SP140: variants seen among roughly 807,000 people sequenced by gnomAD.
SP140 encodes the protein nuclear body protein SP140.
SP140 carries 81 observed loss-of-function variants against 125.0 expected under a neutral mutation model. The ratio of observed to expected loss-of-function variants is 0.65; its 90% confidence interval spans 0.54 to 0.78. The LOEUF is 0.78. Among genes scored for constraint, SP140 ranks in the 30% least tolerant of loss-of-function variants. The pLI is 0.00. For synonymous variants in SP140, 312 were observed against 354.0 expected (o/e 0.88, Z 1.33); for missense variants, 858 against 1,037.0 (o/e 0.83, Z 2.37).
chr2:230,245,964 T>G (rs2049384771), intron 7 of SP140, 24 bp downstream of exon 7: 1 of 1,432,634 alleles, frequency 7.0e-7, no homozygotes, highest in Non-Finnish European at 9.8e-7. Context: ...AAATTAAAGC[T>G]TTATTTTTCT....
rs557486432 is a variant in SP140, at chr2:230,230,230, T to C, written c.59+4327T>C. On this transcript the variant is annotated intron_variant, in intron 1 of 26. Coordinates refer to ENST00000392045, the MANE Select transcript of SP140 (RefSeq NM_007237.5). ...AACAGGGAAGTGCTGATTGCTTAGG[T>C]TGGGAATGAAATCACAGGGGGTTGA... 4.7e-4 allele frequency among the ~76,000 whole-genome samples: 71 copies of C among 152,200 alleles called. 1 individual carries two copies. The highest frequency in any genetic ancestry group is 6.5e-4 in the Non-Finnish European group (44 of 68,034).
At chr2:230,249,738 G>A (rs2114588) in intron 9 of SP140, among the ~76,000 whole-genome samples, 44,775 of 152,038 alleles carry the variant, frequency 0.29, 6,728 homozygotes, top group Middle Eastern at 0.34. Flanking sequence ...AAGAACCCAT[G>A]AAGAGTGAAA....
At chr2:230,278,863 G>C (rs2055106959) in intron 15 of SP140, among the ~76,000 whole-genome samples, 1 of 151,974 alleles carries the variant, frequency 6.6e-6, no homozygotes, top group Non-Finnish European at 1.5e-5. Context: ...AAGTAAGAAA[G>C]AAAGAAAAGG....
At position 230,237,228 on chromosome 2, in the gene SP140, G is replaced by A; in HGVS notation, c.205G>A (p.Asp69Asn). The A allele has an allele frequency of 6.2e-7, 1 of 1,612,254 alleles. No homozygotes were observed. Among genetic ancestry groups the A allele is most frequent in the East Asian group, 2.2e-5 (1 of 44,858 alleles). The part of the protein sequence containing the change: ...RPFPFLMGLR[D>N]RSFISEQMYE... ...ATTTCCTTTCCTTATGGGCCTCCGA[G>A]ACCGCTCCTTCATCTCCGAGCAGAT... is the stretch of plus-strand genomic sequence containing the variant. Residue 69 changes from aspartate to asparagine, a missense_variant, in exon 2 of 27, where the codon GAC becomes AAC. By Grantham distance (23) the Asp-to-Asn change is conservative (BLOSUM62 1). Transcript: ENST00000392045. This position sits in a 1 kb window ranked among gnomAD's most constrained non-coding sequence, Gnocchi z 5.4.
intron 23 of SP140, chr2:230,310,509 A>G: frequency 1.1e-6 from 1 of 906,086 alleles, no homozygotes; most frequent in Non-Finnish European, 1.7e-6. Context: ...AGGAGAGTCC[A>G]CACTCACGGT....
At chr2:230,232,701 T>G (rs564438145) in intron 1 of SP140, among the ~76,000 whole-genome samples, 22 of 152,358 alleles carry the variant, frequency 1.4e-4, no homozygotes, top group African/African-American at 5.0e-4. Flanking sequence ...CAGGGCCAAA[T>G]ACCTGGTATG....
intron 3 of SP140, among the ~76,000 whole-genome samples, chr2:230,218,121 C>T (rs1227433108): frequency 6.6e-6 from 1 of 152,178 alleles, no homozygotes; most frequent in Non-Finnish European, 1.5e-5. Context: ...ACATTCTTGA[C>T]AAATTGTCAA....
At chr2:230,221,739 C>CA, upstream of SP140, 1 of 1,535,922 alleles carries the variant, frequency 6.5e-7, no homozygotes. Context: ...AAAGCCCCTT[C>CA]ATGGGCATCT....
intron 22 of SP140, among the ~76,000 whole-genome samples, chr2:230,309,152 T>G (rs1036580939): frequency 4.6e-5 from 7 of 152,226 alleles, no homozygotes; most frequent in African/African-American, 1.4e-4. Flanking sequence ...GATTTACCAT[T>G]CCTTTTATAG....
rs1390071181 is a variant in SP140, at chr2:230,238,108, A to G, written c.238-105A>G. On this transcript the variant is annotated intron_variant, in intron 2 of 26. Transcript: ENST00000392045. ...TTAAGAAGTCATCCAAATATACGCA[A>G]AATTCTAACATTTCACAAGAGAACA... 3.4e-5 allele frequency: 27 copies of G among 798,234 alleles called. No homozygotes were observed. In the East Asian group the frequency reaches 6.9e-4, roughly 20 times the overall value. 49.4% of individuals were successfully genotyped at this position (798,234 alleles called of 1,614,324 possible).
intron 18 of SP140, among the ~76,000 whole-genome samples, chr2:230,288,284 C>T (rs1244015780): frequency 6.6e-6 from 1 of 152,154 alleles, no homozygotes; most frequent in Non-Finnish European, 1.5e-5. Flanking sequence ...AACTGACCTT[C>T]CTCTGACTAC....
downstream of SP140, among the ~76,000 whole-genome samples, chr2:230,313,382 T>C (rs2059451124): frequency 2.6e-5 from 4 of 152,178 alleles, no homozygotes; most frequent in East Asian, 1.9e-4. Flanking sequence ...TGCTAATTAA[T>C]GCCAGTAGTC....
At chr2:230,245,419 T>A (rs987320931) in intron 6 of SP140, among the ~76,000 whole-genome samples, 4 of 152,184 alleles carry the variant, frequency 2.6e-5, no homozygotes, top group Non-Finnish European at 5.9e-5. Flanking sequence ...ATTTTAAACT[T>A]ACTTGCCAGG....
At chr2:230,222,806 T>C (rs2045929295), upstream of SP140, among the ~76,000 whole-genome samples, 1 of 151,766 alleles carries the variant, frequency 6.6e-6, no homozygotes, top group Admixed American at 6.6e-5. Flanking sequence ...TGATCTGCTT[T>C]CTATCACCAC....
chr2:230,186,667 C>A, the SP140 span, among the ~76,000 whole-genome samples: 1 of 152,116 alleles, frequency 6.6e-6, no homozygotes, highest in Non-Finnish European at 1.5e-5. Flanking sequence ...CGTCCCTCTC[C>A]TTTCTGAGTC....
intron 1 of SP140, among the ~76,000 whole-genome samples, chr2:230,231,647 G>T (rs913034453): frequency 2.6e-5 from 4 of 152,104 alleles, no homozygotes; most frequent in African/African-American, 4.8e-5. Context: ...ATTACATCTC[G>T]ATCTTTTAAT....
At chr2:230,212,592 C>T (rs1337182489) in intron 1 of SP140, among the ~76,000 whole-genome samples, 1 of 152,052 alleles carries the variant, frequency 6.6e-6, no homozygotes, top group Non-Finnish European at 1.5e-5. Context: ...TAGGTCTTAC[C>T]CACCCCCCGG....
At chr2:230,299,255 C>A (rs2058058603) in intron 22 of SP140, among the ~76,000 whole-genome samples, 1 of 152,182 alleles carries the variant, frequency 6.6e-6, no homozygotes, top group African/African-American at 2.4e-5. Flanking sequence ...AGCCAAAAAA[C>A]CGTGAGTCCT....
chr2:230,216,923 A>C (rs764326169), intron 3 of SP140: 3 of 1,613,490 alleles, frequency 1.9e-6, no homozygotes, highest in Non-Finnish European at 2.5e-6. Context: ...TGTCATGGTG[A>C]ACATCCTATG....
Sources: allele counts gnomAD v4.1 joint callset (sites outside exome capture counted in the v4.1 genomes callset), GRCh38; gene constraint gnomAD v4.1.1; non-coding constraint Gnocchi (gnomAD v3.1); transcripts MANE v1.5; gene names NCBI Gene and HGNC (gene_info 2026-07-23, HGNC 2026-07-21).